PTPRQ: variants seen among roughly 807,000 people sequenced by gnomAD.
The protein encoded by PTPRQ is phosphatidylinositol phosphatase PTPRQ.
In PTPRQ, 199 loss-of-function variants were observed where a neutral mutation model predicts 246.0. That is an observed-to-expected ratio of 0.81 (90% confidence interval 0.72 to 0.91). The LOEUF is 0.91. PTPRQ is among the 40% of genes least tolerant of loss of function. The pLI is 0.00. For missense variants in PTPRQ, 2,624 were observed against 2,528.4 expected, an observed-to-expected ratio of 1.04 and a Z score of -0.81; for synonymous variants, 869 against 853.2, an observed-to-expected ratio of 1.02 and a Z score of -0.32.
At chr12:80,659,736 A>G (rs1592768814) in intron 39 of PTPRQ, among the ~76,000 whole-genome samples, 1 of 152,082 alleles carries the variant, frequency 6.6e-6, no homozygotes, top group Non-Finnish European at 1.5e-5. Context: ...CTGAAGATAT[A>G]TATTCTGCTG....
chr12:80,512,131 A>G (rs1400672321), intron 17 of PTPRQ, among the ~76,000 whole-genome samples: 1 of 152,238 alleles, frequency 6.6e-6, no homozygotes, highest in Non-Finnish European at 1.5e-5. Flanking sequence ...GATGACTTCT[A>G]GATTTTTGAA....
At chr12:80,652,665 C>A in intron 37 of PTPRQ, 79 bp from the exon 38 acceptor site, 4 of 1,361,578 alleles carry the variant, frequency 2.9e-6, no homozygotes, top group Non-Finnish European at 3.8e-6. Context: ...AAGTTTAGGA[C>A]AAATAACTGT....
chr12:80,660,474 G>T (rs1019567313), intron 39 of PTPRQ, among the ~76,000 whole-genome samples: 4 of 152,004 alleles, frequency 2.6e-5, no homozygotes, highest in Non-Finnish European at 5.9e-5. Context: ...AAGTGATATT[G>T]CAGCCCCATA....
Position 80,573,219 on chromosome 12 carries a change from G to A in PTPRQ, c.4286-14910G>A, listed in dbSNP as rs550459650. Reference sequence around the variant, plus strand: ...AAATTTTACTTTAGGGCCGGGCGCGGTGGCTCACGCCTGTAATCCCAGCTC... The same window carrying A: ...AAATTTTACTTTAGGGCCGGGCGCGATGGCTCACGCCTGTAATCCCAGCTC... On this transcript the variant is annotated intron_variant, in intron 25 of 44. Coordinates refer to ENST00000644991, the MANE Select transcript of PTPRQ (RefSeq NM_001145026.2). Among the ~76,000 whole-genome samples the A allele has an allele frequency of 3.9e-5, 6 of 152,312 alleles. No individual in the cohort carries two copies. The South Asian group carries it at 6.2e-4, about 16-fold the overall frequency.
At chr12:80,475,261 A>G (rs968100079) in intron 8 of PTPRQ, among the ~76,000 whole-genome samples, 2 of 152,166 alleles carry the variant, frequency 1.3e-5, no homozygotes, top group Admixed American at 1.3e-4. Flanking sequence ...GTCCATGTAT[A>G]TAACACCTTC....
intron 27 of PTPRQ, among the ~76,000 whole-genome samples, chr12:80,607,977 T>G (rs1270243667): frequency 6.6e-6 from 1 of 150,788 alleles, no homozygotes; most frequent in Non-Finnish European, 1.5e-5. Context: ...TTATAGAGTT[T>G]GAGGTATGAA....
chr12:80,668,000 ACTTG>A (rs917435607), intron 39 of PTPRQ, among the ~76,000 whole-genome samples: 1 of 151,830 alleles, frequency 6.6e-6, no homozygotes, highest in Non-Finnish European at 1.5e-5. Flanking sequence ...AGTAAAATAA[ACTTG>A]CTGGATTACA....
chr12:80,628,812 A>T (rs1426422241), intron 33 of PTPRQ, among the ~76,000 whole-genome samples: 1 of 152,190 alleles, frequency 6.6e-6, no homozygotes, highest in African/African-American at 2.4e-5. Context: ...TTATGGAGGA[A>T]AAAAGTAGAA....
intron 25 of PTPRQ, among the ~76,000 whole-genome samples, chr12:80,574,021 GT>G (rs1011514948): frequency 7.9e-5 from 12 of 152,030 alleles, no homozygotes; most frequent in African/African-American, 2.4e-4. Flanking sequence ...ACGATTGTGG[GT>G]TTTTTTCTTT....
intron 25 of PTPRQ, among the ~76,000 whole-genome samples, chr12:80,562,656 A>G (rs1368364350): frequency 6.6e-6 from 1 of 152,184 alleles, no homozygotes; most frequent in Non-Finnish European, 1.5e-5. Flanking sequence ...TGTAGCACTA[A>G]GTGAATATAT....
intron 34 of PTPRQ, among the ~76,000 whole-genome samples, chr12:80,633,931 T>C (rs1592741180): frequency 6.6e-6 from 1 of 152,204 alleles, no homozygotes; most frequent in Non-Finnish European, 1.5e-5. Flanking sequence ...ACTCACTAGC[T>C]AAAGAGATCT....
chr12:80,628,029 T>A (rs998289242), intron 33 of PTPRQ, among the ~76,000 whole-genome samples: 1 of 152,064 alleles, frequency 6.6e-6, no homozygotes, highest in South Asian at 2.1e-4. Context: ...TAAAAAAAAT[T>A]TTTTGTGTGG....
intron 3 of PTPRQ, among the ~76,000 whole-genome samples, chr12:80,456,325 A>G (rs1378863814): frequency 3.9e-5 from 6 of 152,164 alleles, no homozygotes; most frequent in African/African-American, 1.4e-4. Flanking sequence ...AAAAGAAAAA[A>G]AATTCTTACC....
chr12:80,496,455 T>A lies in PTPRQ; in HGVS notation c.2196T>A (p.Ile732=). The A allele has an allele frequency of 6.4e-7, 1 of 1,550,726 alleles. No individual in the cohort carries two copies. The highest frequency in any genetic ancestry group is 2.4e-5 in the East Asian group (1 of 40,862). The part of the protein sequence containing the change: ...RNLRPHTLYN[I]SVRSYTRFGH... ...TAAGACCTCACACCCTCTATAACAT[T>A]TCTGTAAGGTCTTACACCAGATTTG... Residue 732 remains isoleucine (I), a synonymous_variant, in exon 14 of 45, where the codon ATT becomes ATA. Transcript: ENST00000644991.
intron 39 of PTPRQ, among the ~76,000 whole-genome samples, chr12:80,663,028 A>C (rs1226561386): frequency 6.6e-6 from 1 of 151,996 alleles, no homozygotes; most frequent in Non-Finnish European, 1.5e-5. Flanking sequence ...CCATTTTCTG[A>C]AATAAATTAG....
intron 43 of PTPRQ, among the ~76,000 whole-genome samples, chr12:80,676,471 C>G (rs879525803): frequency 1.3e-5 from 2 of 152,004 alleles, no homozygotes; most frequent in South Asian, 4.2e-4. Context: ...GGTGAAACCC[C>G]GTCTATACTA....
At chr12:80,644,419 A>G (rs1409881308) in intron 35 of PTPRQ, among the ~76,000 whole-genome samples, 1 of 152,178 alleles carries the variant, frequency 6.6e-6, no homozygotes, top group Non-Finnish European at 1.5e-5. Flanking sequence ...AGTAACCTTC[A>G]CTATCATAAA....
intron 35 of PTPRQ, among the ~76,000 whole-genome samples, chr12:80,642,261 C>A (rs1393326321): frequency 6.6e-6 from 1 of 152,126 alleles, no homozygotes; most frequent in East Asian, 1.9e-4. Flanking sequence ...GGCAGTAAGG[C>A]CTTATTTTTA....
chr12:80,466,655 A>C (rs1264109646), intron 6 of PTPRQ, among the ~76,000 whole-genome samples: 2 of 152,228 alleles, frequency 1.3e-5, no homozygotes, highest in African/African-American at 4.8e-5. Context: ...GTACCAAAAC[A>C]GAGATATAGA....
Sources: gnomAD v4.1 joint callset for allele counts (sites outside exome capture counted in the v4.1 genomes callset) on GRCh38, gnomAD v4.1.1 for gene constraint, MANE v1.5 for transcripts, NCBI Gene and HGNC (gene_info 2026-07-23, HGNC 2026-07-21) for gene names.